UBR2: variants seen among roughly 807,000 people sequenced by gnomAD.
UBR2 encodes the protein E3 ubiquitin-protein ligase UBR2.
Under a neutral mutation model 247.9 loss-of-function variants are expected in UBR2, and 92 were observed. That is an observed-to-expected ratio of 0.37 (90% CI 0.31 to 0.44). UBR2 has a LOEUF of 0.44. UBR2 is among the 20% of genes least tolerant of loss of function. The pLI, the probability that UBR2 is intolerant of heterozygous loss-of-function variation, is 1.00. For synonymous variants in UBR2, 672 were observed against 693.5 expected (o/e 0.97, Z 0.49); for missense variants, 1,613 against 2,112.6 (o/e 0.76, Z 4.64).
chr6:42,659,563 TACACACACAC>T lies in UBR2; in HGVS notation c.3243-87_3243-78del. On this transcript the variant is annotated intron_variant, in intron 29 of 46. Transcript: ENST00000372901. This position sits in a 1 kb window ranked among gnomAD's most constrained non-coding sequence, Gnocchi z 4.3. The stretch of plus-strand genomic sequence containing the variant: ...CACACACACACACACACACACACAC[TACACACACAC>T]ACACATACCTGTAGTCTGCTATTTT... 1 of 596,272 alleles carries T rather than the reference TACACACACAC, an allele frequency of 1.7e-6. No individual in the cohort carries two copies. The highest frequency in any genetic ancestry group is 2.7e-6 in the Non-Finnish European group (1 of 366,500). The allele number at this position is 596,272 out of a possible 1,614,324, so 36.9% of individuals were successfully genotyped here.
rs772345065 is a variant in UBR2, at chr6:42,640,251, T to G, written c.1901T>G (p.Phe634Cys). ...AGCAAAAGTGAAGTGGCATATAAAT[T>G]TCCAGAGCTCCTACCTCTAGTAAGT... The part of the protein sequence containing the change: ...LLSKSEVAYK[F>C]PELLPLSELS... The change falls in exon 16 of 47, where the codon TTT becomes TGT. Residue 634 changes from phenylalanine to cysteine, a missense_variant. This residue lies in a region of UBR2 where 1,524 missense variants were observed against 1,967.3 expected (regional missense o/e 0.77). Coordinates refer to ENST00000372901, the MANE Select transcript of UBR2 (RefSeq NM_001363705.2). 6.2e-7 allele frequency: 1 copy of G among 1,608,118 alleles called. No homozygotes were observed. The highest frequency in any genetic ancestry group is 1.1e-5 in the South Asian group (1 of 89,456).
chr6:42,674,336 CAAAAAG>C, intron 38 of UBR2, 143 bp downstream of exon 38: 1 of 723,248 alleles, frequency 1.4e-6, no homozygotes, highest in Non-Finnish European at 2.2e-6. Context: ...TGAGAAACCT[CAAAAAG>C]AAAATATTTA....
intron 25 of UBR2, 43 bp from the exon 26 acceptor site, chr6:42,655,578 A>T (rs202071215): frequency 8.3e-7 from 1 of 1,209,512 alleles, no homozygotes; most frequent in Non-Finnish European, 1.1e-6. Flanking sequence ...TATGTACTTG[A>T]TTTTTTAAAT....
rs770725312 is a variant in UBR2 at position 42,592,222 on chromosome 6, G to A, written c.410G>A (p.Arg137Gln). The A allele has an allele frequency of 3.2e-6, 5 of 1,583,470 alleles. No individual in the cohort carries two copies. Among genetic ancestry groups the A allele is most frequent in the South Asian group, 1.2e-5 (1 of 85,458 alleles). Residue 137 changes from arginine to glutamine, a missense_variant, in exon 3 of 47, where the codon CGA (arginine) becomes CAA (glutamine). Arg to Gln is a conservative substitution (Grantham distance 43). Around this residue, in one of 3 missense-constraint regions of UBR2, gnomAD observed 1,524 missense variants for 1,967.3 expected, o/e 0.77. Coordinates refer to ENST00000372901, the MANE Select transcript of UBR2 (RefSeq NM_001363705.2). Reference sequence around the variant, plus strand: ...TTGGGAAGTATTCACAGAGATCATCGATATAGGGTTAGTAATGTCCAAATA... The same window carrying A: ...TTGGGAAGTATTCACAGAGATCATCAATATAGGGTTAGTAATGTCCAAATA... ...CFLGSIHRDH[R>Q]YRMTTSGGGG...
At position 42,593,738 on chromosome 6, in the gene UBR2, C is replaced by T. The variant is rs188979307; in HGVS notation, c.418-453C>T. On this transcript the variant is annotated intron_variant, in intron 3 of 46. Transcript: ENST00000372901. Reference sequence around the variant, plus strand: ...AGGTGTATTAGAGAAGAAAAATTAACTATTTCTATAGTCTTTGTTGGTTAA... The same window carrying T: ...AGGTGTATTAGAGAAGAAAAATTAATTATTTCTATAGTCTTTGTTGGTTAA... Among the ~76,000 whole-genome samples the T allele has an allele frequency of 8.2e-4, 125 of 152,266 alleles. No individual in the cohort carries two copies. The East Asian group carries it at 0.023, about 28-fold the overall frequency.
intron 43 of UBR2, 29 bp from the exon 44 acceptor site, chr6:42,684,765 G>A (rs888028784): frequency 1.9e-6 from 3 of 1,540,628 alleles, no homozygotes; most frequent in African/African-American, 1.4e-5. Context: ...AATTAATGGA[G>A]TGTTCTTTAA....
Position 42,635,530 on chromosome 6 carries a change from A to T in UBR2, c.1658A>T (p.Asp553Val). 6.2e-7 allele frequency: 1 copy of T among 1,610,946 alleles called. No homozygotes were observed. Among genetic ancestry groups the T allele is most frequent in the East Asian group, 2.2e-5 (1 of 44,806 alleles). The change falls in exon 14 of 47, where the codon GAC becomes GTC. Residue 553 changes from aspartate (D) to valine (V), a missense_variant. By Grantham distance (152) the Asp-to-Val change is radical. Around this residue, in one of 3 missense-constraint regions of UBR2, gnomAD observed 1,524 missense variants for 1,967.3 expected, o/e 0.77. Coordinates refer to ENST00000372901, the MANE Select transcript of UBR2 (RefSeq NM_001363705.2). ...KLTHVISMMQDWCASDEKVLI... is the reference protein window; with the variant it reads ...KLTHVISMMQVWCASDEKVLI... ...ACACATGTCATTTCAATGATGCAGGACTGGTGTGCTTCAGATGTGAGTTTC... is the reference window on the plus strand; with the variant it reads ...ACACATGTCATTTCAATGATGCAGGTCTGGTGTGCTTCAGATGTGAGTTTC...
At chr6:42,595,928 T>A (rs1792942316) in intron 4 of UBR2, among the ~76,000 whole-genome samples, 1 of 151,826 alleles carries the variant, frequency 6.6e-6, no homozygotes, top group African/African-American at 2.4e-5. Context: ...GGTTCCAGAT[T>A]TTTCCACTTC....
At chr6:42,681,213 C>A (rs1799033121) in intron 42 of UBR2, among the ~76,000 whole-genome samples, 1 of 150,408 alleles carries the variant, frequency 6.6e-6, no homozygotes, top group African/African-American at 2.4e-5. Context: ...ATGGCGAAAC[C>A]CCATCTCTAC....
intron 30 of UBR2, among the ~76,000 whole-genome samples, chr6:42,661,839 C>T (rs189362183): frequency 6.6e-6 from 1 of 152,300 alleles, no homozygotes; most frequent in East Asian, 1.9e-4. Context: ...AAGAGAGTAG[C>T]TCTTTTACCT....
chr6:42,580,710 G>A (rs1033925653), intron 2 of UBR2, among the ~76,000 whole-genome samples: 1 of 151,950 alleles, frequency 6.6e-6, no homozygotes, highest in Non-Finnish European at 1.5e-5. Context: ...CTGCTAATTT[G>A]TTTTGTATTT....
rs1471181276 is a variant in UBR2, at chr6:42,692,683, A to T, written c.*1510A>T. The stretch of plus-strand genomic sequence containing the variant: ...TTTTGTTCCACTCAGCTACCAGTCA[A>T]CTAGGCATGCTCCACAGTATCACAG... On this transcript the variant is annotated 3_prime_UTR_variant, in exon 47 of 47. Transcript: ENST00000372901. The T allele has an allele frequency of 2.0e-5, 3 of 152,244 alleles. No individual in the cohort carries two copies. Among genetic ancestry groups the T allele is most frequent in the Admixed American group, 6.6e-5 (1 of 15,264 alleles). The allele number at this position is 152,244 out of a possible 1,614,324, so 9.4% of individuals were successfully genotyped here.
At chr6:42,615,295 G>A (rs1794472004) in intron 9 of UBR2, 117 bp downstream of exon 9, 1 of 679,326 alleles carries the variant, frequency 1.5e-6, no homozygotes, top group Admixed American at 3.9e-5. Flanking sequence ...CTTAAAATTA[G>A]CATTGCAGTC....
At chr6:42,614,188 A>T (rs1794278529) in intron 8 of UBR2, among the ~76,000 whole-genome samples, 1 of 34,530 alleles carries the variant, frequency 2.9e-5, no homozygotes, top group African/African-American at 1.1e-4. Flanking sequence ...AAAAAAAAAA[A>T]AAAAAAAAAA....
intron 10 of UBR2, 184 bp from the exon 11 acceptor site, chr6:42,617,225 C>T: frequency 6.2e-7 from 1 of 1,611,840 alleles, no homozygotes; most frequent in Non-Finnish European, 8.5e-7. Flanking sequence ...GGTGAATCTC[C>T]CCCTTGTTGT....
At chr6:42,588,498 T>C (rs1244718067) in intron 2 of UBR2, among the ~76,000 whole-genome samples, 1 of 152,122 alleles carries the variant, frequency 6.6e-6, no homozygotes, top group Admixed American at 6.6e-5. Flanking sequence ...ACCAAGATGC[T>C]GTCTCTGCAA....
At position 42,637,016 on chromosome 6, in the gene UBR2, A is replaced by T; in HGVS notation, c.1680A>T (p.Lys560Asn). The change falls in exon 15 of 47, where the codon AAA (lysine) becomes AAT (asparagine). Residue 560 changes from lysine to asparagine, a missense_variant. Coordinates refer to ENST00000372901, the MANE Select transcript of UBR2 (RefSeq NM_001363705.2). ...MMQDWCASDE[K>N]VLIEAYKKCL... ...AGAAAAACCCTCTTTTTTAGGAAAA[A>T]GTGTTAATCGAAGCTTACAAGAAAT... 6.2e-7 allele frequency: 1 copy of T among 1,600,184 alleles called. No homozygotes were observed. Among genetic ancestry groups the T allele is most frequent in the Middle Eastern group, 1.7e-4 (1 of 6,010 alleles).
Position 42,679,810 on chromosome 6 carries a change from A to G in UBR2, c.4696A>G (p.Ile1566Val), listed in dbSNP as rs1798925194. The change falls in exon 42 of 47, where the codon ATA (isoleucine) becomes GTA (valine). Residue 1566 changes from isoleucine to valine, a missense_variant. Ile to Val is a conservative substitution (Grantham distance 29, BLOSUM62 3). Coordinates refer to ENST00000372901, the MANE Select transcript of UBR2 (RefSeq NM_001363705.2). The part of the protein sequence containing the change: ...LICLFQENSE[I>V]MNSLIESWCR... ...TTGCCTTTTTCAAGAAAATAGTGAG[A>G]TAATGAATTCACTGATTGAAAGGTA... The G allele has an allele frequency of 6.2e-6, 10 of 1,608,834 alleles. No homozygotes were observed. Among genetic ancestry groups the G allele is most frequent in the Non-Finnish European group, 8.5e-6 (10 of 1,175,644 alleles).
At position 42,590,366 on chromosome 6, in the gene UBR2, T is replaced by C. The variant is rs576834278; in HGVS notation, c.339-1785T>C. On this transcript the variant is annotated intron_variant, in intron 2 of 46. Coordinates refer to ENST00000372901, the MANE Select transcript of UBR2 (RefSeq NM_001363705.2). ...CACATTTGTCTTTTCTGTTAAATGATAGCTAAATGAGGACAAGACTCTAGC... is the reference window on the plus strand; with the variant it reads ...CACATTTGTCTTTTCTGTTAAATGACAGCTAAATGAGGACAAGACTCTAGC... 3.9e-5 allele frequency among the ~76,000 whole-genome samples: 6 copies of C among 152,328 alleles called. No individual in the cohort carries two copies. The East Asian group carries it at 1.2e-3, about 29-fold the overall frequency.
Sources: gnomAD v4.1 joint callset for allele counts (sites outside exome capture counted in the v4.1 genomes callset) on GRCh38, gnomAD v4.1.1 for gene constraint, gnomAD v4.1.1 regional missense constraint, Gnocchi (gnomAD v3.1) non-coding constraint, MANE v1.5 for transcripts, NCBI Gene and HGNC (gene_info 2026-07-23, HGNC 2026-07-21) for gene names.